Variants in UNC80 observed in about 807,000 individuals in gnomAD.
UNC80 encodes protein unc-80 homolog.
Under a neutral mutation model 384.6 loss-of-function variants are expected in UNC80, and 164 were observed. The observed-to-expected ratio is 0.43, with a 90% confidence interval of 0.38 to 0.49. UNC80 has a LOEUF of 0.49. UNC80 is among the 20% of genes least tolerant of loss of function. The pLI, the probability that UNC80 is intolerant of heterozygous loss-of-function variation, is 0.00. For missense variants in UNC80, 3,330 were observed against 4,143.0 expected (o/e 0.80, Z 5.39); for synonymous variants, 1,486 against 1,527.8 (o/e 0.97, Z 0.64).
chr2:209,952,907 G>T (rs1395790103), intron 47 of UNC80, among the ~76,000 whole-genome samples: 1 of 152,048 alleles, frequency 6.6e-6, no homozygotes, highest in Non-Finnish European at 1.5e-5. Flanking sequence ...TCTGATAATT[G>T]CCATTTCCTG....
chr2:209,860,575 T>A (rs1274279278), intron 22 of UNC80, among the ~76,000 whole-genome samples: 2 of 152,232 alleles, frequency 1.3e-5, no homozygotes, highest in Non-Finnish European at 2.9e-5. Context: ...TTTTTTCTAA[T>A]TCTGTGAAGA....
At chr2:209,847,301 A>G (rs2082238541) in intron 21 of UNC80, among the ~76,000 whole-genome samples, 1 of 152,060 alleles carries the variant, frequency 6.6e-6, no homozygotes, top group Non-Finnish European at 1.5e-5. Context: ...AATAAAGAAA[A>G]TTAATTATAA....
At position 209,886,076 on chromosome 2, in the gene UNC80, T is replaced by C. The variant is rs566159351; in HGVS notation, c.4111-2019T>C. 4.6e-5 allele frequency among the ~76,000 whole-genome samples: 7 copies of C among 152,240 alleles called. No homozygotes were observed. In the South Asian group the frequency reaches 1.2e-3, roughly 27 times the overall value. The stretch of plus-strand genomic sequence containing the variant: ...CTGTGCCCAGCCTAAAATTTTATCT[T>C]ATTGATGAGAATCAAAAGCATAAGA... On this transcript the variant is annotated intron_variant, in intron 25 of 64. Transcript: ENST00000673920.
Position 209,831,478 on chromosome 2 carries a change from G to A in UNC80, c.2662G>A (p.Asp888Asn), listed in dbSNP as rs1455600767. ...AGFGNNFTTV[D>N]NKSTAQNVEG... ...GTTTGGAAATAACTTCACCACAGTGGACAACAAATCCACAGCCCAAAATGT... is the reference window on the plus strand; with the variant it reads ...GTTTGGAAATAACTTCACCACAGTGAACAACAAATCCACAGCCCAAAATGT... Residue 888 changes from aspartate to asparagine, a missense_variant, in exon 16 of 65, where the codon GAC (aspartate) becomes AAC (asparagine). Asp to Asn is a conservative substitution (Grantham distance 23, BLOSUM62 1). Transcript: ENST00000673920. 1.9e-6 allele frequency: 3 copies of A among 1,550,978 alleles called. No individual in the cohort carries two copies. Among genetic ancestry groups the A allele is most frequent in the Non-Finnish European group, 1.7e-6 (2 of 1,146,704 alleles).
At chr2:209,859,815 G>T (rs923546580) in intron 22 of UNC80, among the ~76,000 whole-genome samples, 2 of 152,086 alleles carry the variant, frequency 1.3e-5, no homozygotes, top group South Asian at 4.1e-4. Flanking sequence ...TTTGTTGGCT[G>T]CATAATGTCT....
chr2:209,851,982 T>G (rs2082564897), intron 22 of UNC80, among the ~76,000 whole-genome samples: 1 of 152,152 alleles, frequency 6.6e-6, no homozygotes, highest in Non-Finnish European at 1.5e-5. Context: ...TGACAGAGGC[T>G]GGTTGATCTC....
At chr2:209,989,159 C>CA (rs11288927) in intron 61 of UNC80, among the ~76,000 whole-genome samples, 49,421 of 140,448 alleles carry the variant, frequency 0.35, 9,208 homozygotes, top group Middle Eastern at 0.53. Flanking sequence ...CAAAAAATAC[C>CA]AAAAAAAAAA....
At chr2:209,841,809 C>T (rs115452473) in intron 20 of UNC80, among the ~76,000 whole-genome samples, 2,041 of 152,238 alleles carry the variant, frequency 0.013, 50 homozygotes, top group African/African-American at 0.045. Flanking sequence ...TTGTGTGGCC[C>T]ATAGCTTCCT....
In UNC80 at chr2:209,935,818, A is replaced by G; in HGVS notation, c.6273+10A>G. ...TGAAGCCCTGTTGAAGGTAGGAATG[A>G]CTTTTAACAGAAACAATTTTTAAGG... On this transcript the variant is annotated intron_variant, in intron 40 of 64. Coordinates refer to ENST00000673920, the MANE Select transcript of UNC80 (RefSeq NM_001371986.1). 1 of 1,522,840 alleles carries G rather than the reference A, an allele frequency of 6.6e-7. No homozygotes were observed. The highest frequency in any genetic ancestry group is 8.9e-7 in the Non-Finnish European group (1 of 1,129,780). The allele number at this position is 1,522,840 out of a possible 1,614,324, so 94.3% of individuals were successfully genotyped here.
chr2:209,826,104 G>C, intron 14 of UNC80, 51 bp downstream of exon 14: 1 of 1,491,584 alleles, frequency 6.7e-7, no homozygotes, highest in Non-Finnish European at 9.0e-7. Context: ...CTTCCCTTCT[G>C]TTTAAGAATG....
intron 27 of UNC80, among the ~76,000 whole-genome samples, chr2:209,894,631 T>C (rs2086641876): frequency 6.6e-6 from 1 of 152,136 alleles, no homozygotes; most frequent in Non-Finnish European, 1.5e-5. Context: ...AGATTCTACA[T>C]GTTTAACAAG....
At chr2:209,802,388 A>G (rs1301596377) in intron 7 of UNC80, among the ~76,000 whole-genome samples, 3 of 152,242 alleles carry the variant, frequency 2.0e-5, no homozygotes, top group Non-Finnish European at 4.4e-5. Flanking sequence ...ATATGAACAT[A>G]TATTAAAACA....
chr2:209,955,736 TATAC>T (rs1416136348), intron 48 of UNC80, among the ~76,000 whole-genome samples: 57 of 61,346 alleles, frequency 9.3e-4, no homozygotes, highest in African/African-American at 6.4e-3. Flanking sequence ...TATATATATA[TATAC>T]ACACACACAC....
chr2:209,915,988 C>A (rs1301103837), intron 31 of UNC80, among the ~76,000 whole-genome samples: 3 of 152,046 alleles, frequency 2.0e-5, no homozygotes, highest in Admixed American at 2.0e-4. Context: ...CACATGTACT[C>A]CATGTGTACA....
intron 20 of UNC80, 133 bp from the exon 21 acceptor site, chr2:209,842,217 G>A (rs138467683): frequency 1.5e-6 from 1 of 647,034 alleles, no homozygotes; most frequent in African/African-American, 1.8e-5. Context: ...CTAACCAGAT[G>A]TGGAAGCCAG....
At chr2:209,867,435 C>T (rs2083928785) in intron 22 of UNC80, among the ~76,000 whole-genome samples, 1 of 151,868 alleles carries the variant, frequency 6.6e-6, no homozygotes, top group Non-Finnish European at 1.5e-5. Flanking sequence ...ATGGAATTAG[C>T]CCATTCTCGG....
In UNC80 at chr2:209,829,290, T is replaced by C; in HGVS notation, c.2537T>C (p.Met846Thr). ...KLDKMQFRQT[M>T]RDYVNKDSLN... ...GATAAGATGCAGTTCCGACAAACCA[T>C]GAGGGACTATGTGAACAAGGACTCT... Residue 846 changes from methionine to threonine, a missense_variant, in exon 15 of 65, where the codon ATG becomes ACG. Around this residue, in one of 8 missense-constraint regions of UNC80, gnomAD observed 937 missense variants for 1,026.8 expected, o/e 0.91. Transcript: ENST00000673920. The C allele has an allele frequency of 1.3e-6, 2 of 1,551,456 alleles. No individual in the cohort carries two copies. The highest frequency in any genetic ancestry group is 1.7e-6 in the Non-Finnish European group (2 of 1,146,798).
intron 44 of UNC80, among the ~76,000 whole-genome samples, chr2:209,942,855 TACACACACACACAC>T (rs10584249): frequency 6.9e-6 from 1 of 145,682 alleles, no homozygotes; most frequent in Non-Finnish European, 1.5e-5. Context: ...CACTCTTTCC[TACACACACACACAC>T]ACACACACAC....
intron 29 of UNC80, among the ~76,000 whole-genome samples, chr2:209,908,080 A>T (rs1433604467): frequency 1.3e-5 from 2 of 152,254 alleles, no homozygotes; most frequent in Non-Finnish European, 2.9e-5. Flanking sequence ...AGCCTCCTCC[A>T]CAAGCTCTTT....
Sources: gnomAD v4.1 joint callset for allele counts (sites outside exome capture counted in the v4.1 genomes callset) on GRCh38, gnomAD v4.1.1 for gene constraint, gnomAD v4.1.1 regional missense constraint, MANE v1.5 for transcripts, NCBI Gene and HGNC (gene_info 2026-07-23, HGNC 2026-07-21) for gene names.